ABRAXAS2: variants seen among roughly 807,000 people sequenced by gnomAD.
ABRAXAS2 encodes abraxas 2, BRISC complex subunit.
ABRAXAS2 carries 23 observed loss-of-function variants against 49.0 expected under a neutral mutation model. That is an observed-to-expected ratio of 0.47 (90% CI 0.34 to 0.66). ABRAXAS2 has a LOEUF of 0.66. ABRAXAS2 is among the 30% of genes least tolerant of loss of function. The pLI, the probability that ABRAXAS2 is intolerant of heterozygous loss-of-function variation, is 0.01. For synonymous variants in ABRAXAS2, 168 were observed against 180.2 expected, an observed-to-expected ratio of 0.93 and a Z score of 0.54; for missense variants, 443 against 511.9, an observed-to-expected ratio of 0.87 and a Z score of 1.30.
rs1564925948 is a variant in ABRAXAS2, at chr10:124,831,840, G to GTATTTTTTT, written c.778+378_778+379insATTTTTTTT. Among the ~76,000 whole-genome samples the GTATTTTTTT allele has an allele frequency of 5.6e-5, 6 of 106,208 alleles. 1 individual carries two copies. The highest frequency in any genetic ancestry group is 3.6e-5 in the Non-Finnish European group (2 of 54,864). The allele number at this position is 106,208 out of a possible 152,430, so 69.7% of individuals were successfully genotyped here. ...GTCCAGCAGGTAGGCACTGTGTCCT[G>GTATTTTTTT]TCTTTTTTTTTTTTTTTTTTTTTTT... On this transcript the variant is annotated intron_variant, in intron 8 of 8. Transcript: ENST00000298492.
chr10:124,810,412 A>G (rs1950779380), intron 2 of ABRAXAS2, among the ~76,000 whole-genome samples: 1 of 152,132 alleles, frequency 6.6e-6, no homozygotes, highest in South Asian at 2.1e-4. Flanking sequence ...CTGTAGTCCT[A>G]GCTACTCAGA....
chr10:124,805,897 T>C (rs1950739182), intron 1 of ABRAXAS2, among the ~76,000 whole-genome samples: 1 of 152,200 alleles, frequency 6.6e-6, no homozygotes, highest in South Asian at 2.1e-4. Flanking sequence ...CTCCCAGCTG[T>C]GCTTGTGCAG....
intron 8 of ABRAXAS2, among the ~76,000 whole-genome samples, chr10:124,832,421 T>C (rs1261185950): frequency 6.6e-6 from 1 of 152,202 alleles, no homozygotes; most frequent in Non-Finnish European, 1.5e-5. Context: ...ATGTCAAGTG[T>C]AAAAGATAAG....
intron 2 of ABRAXAS2, among the ~76,000 whole-genome samples, chr10:124,815,805 C>G (rs1213524776): frequency 6.6e-6 from 1 of 151,872 alleles, no homozygotes; most frequent in Non-Finnish European, 1.5e-5. Flanking sequence ...TTCAAAACAC[C>G]TGGCCCAAGT....
chr10:124,814,537 C>T (rs999401807), intron 2 of ABRAXAS2, among the ~76,000 whole-genome samples: 4 of 150,784 alleles, frequency 2.7e-5, no homozygotes, highest in South Asian at 2.1e-4. Context: ...TTTTTGTTTT[C>T]ACCATATTGG....
intron 3 of ABRAXAS2, among the ~76,000 whole-genome samples, chr10:124,817,610 G>A (rs573543764): frequency 1.4e-4 from 22 of 151,960 alleles, no homozygotes; most frequent in East Asian, 5.8e-4. Flanking sequence ...CTTCCGTAAC[G>A]CCAGCCAGCC....
chr10:124,804,849 G>A (rs1199380042), intron 1 of ABRAXAS2, among the ~76,000 whole-genome samples: 1 of 151,596 alleles, frequency 6.6e-6, no homozygotes, highest in Non-Finnish European at 1.5e-5. Flanking sequence ...TAGTAGCTGG[G>A]ATTACAGGTG....
rs1034251939 is a variant in ABRAXAS2 at position 124,807,994 on chromosome 10, A to G, written c.163+1073A>G. The stretch of plus-strand genomic sequence containing the variant: ...GGGATAAGCCAAATACCCACTTCGG[A>G]GGAGATATCTGGGGAAGATGAAGGA... On this transcript the variant is annotated intron_variant, in intron 2 of 8. Coordinates refer to ENST00000298492, the MANE Select transcript of ABRAXAS2 (RefSeq NM_032182.4). Among the ~76,000 whole-genome samples the G allele has an allele frequency of 5.9e-5, 9 of 152,322 alleles. No homozygotes were observed. In the South Asian group the frequency reaches 1.9e-3, roughly 32 times the overall value.
At position 124,828,740 on chromosome 10, in the gene ABRAXAS2, T is replaced by C. The variant is rs1364331335; in HGVS notation, c.459-16T>C. 6 of 1,610,822 alleles carry C rather than the reference T, an allele frequency of 3.7e-6. No individual in the cohort carries two copies. In the African/African-American group the frequency reaches 8.0e-5, roughly 22 times the overall value. Reference sequence around the variant, plus strand: ...AATGGTACATTTAACATGATCTCTCTGAATTTTTCCCATAGGTATAATCAG... The same window carrying C: ...AATGGTACATTTAACATGATCTCTCCGAATTTTTCCCATAGGTATAATCAG... On this transcript the variant is annotated splice_polypyrimidine_tract_variant and intron_variant, in intron 5 of 8. Transcript: ENST00000298492.
chr10:124,812,373 G>A (rs999037424), intron 2 of ABRAXAS2, among the ~76,000 whole-genome samples: 2 of 152,170 alleles, frequency 1.3e-5, no homozygotes, highest in African/African-American at 4.8e-5. Flanking sequence ...AAATATAGCT[G>A]GGTGAGGTGG....
chr10:124,816,260 C>T (rs1241325062), intron 2 of ABRAXAS2, among the ~76,000 whole-genome samples: 2 of 152,094 alleles, frequency 1.3e-5, no homozygotes, highest in African/African-American at 4.8e-5. Flanking sequence ...TGCTTTTTCC[C>T]ATGATGCTTT....
At chr10:124,818,444 G>T (rs1950839396) in intron 3 of ABRAXAS2, among the ~76,000 whole-genome samples, 1 of 148,060 alleles carries the variant, frequency 6.8e-6, no homozygotes. Context: ...AGAGCCAAAA[G>T]AAACCTTAGA....
In ABRAXAS2 at chr10:124,819,364, G is replaced by T; in HGVS notation, c.201-20G>T. 6.2e-7 allele frequency: 1 copy of T among 1,610,398 alleles called. No homozygotes were observed. Among genetic ancestry groups the T allele is most frequent in the Non-Finnish European group, 8.5e-7 (1 of 1,176,726 alleles). ...ACAATACTATGTGGTGTTAGTACAA[G>T]ATTTTTTTCTCTTAAACAGTTTTTA... On this transcript the variant is annotated intron_variant, in intron 3 of 8. Transcript: ENST00000298492.
At chr10:124,834,479 G>A (rs773936733) in intron 8 of ABRAXAS2, 23 bp from the exon 9 acceptor site, 33 of 1,589,630 alleles carry the variant, frequency 2.1e-5, no homozygotes, top group Non-Finnish European at 2.7e-5. Flanking sequence ...GAAAGTGTTA[G>A]AATATTCTTT....
chr10:124,825,272 C>G (rs1589808646), intron 4 of ABRAXAS2, among the ~76,000 whole-genome samples: 2 of 135,084 alleles, frequency 1.5e-5, no homozygotes, highest in East Asian at 4.4e-4. Context: ...GAGCCGAGAT[C>G]ATGCCACTGC....
intron 4 of ABRAXAS2, among the ~76,000 whole-genome samples, 192 bp downstream of exon 4, chr10:124,819,642 TA>T (rs1269204706): frequency 6.6e-6 from 1 of 152,136 alleles, no homozygotes; most frequent in Non-Finnish European, 1.5e-5. Context: ...CCATTATTAT[TA>T]CATGCCTGTA....
rs1382806900 is a variant in ABRAXAS2 at position 124,801,891 on chromosome 10, A to G, written c.62A>G (p.Asn21Ser). 1 of 1,612,678 alleles carries G rather than the reference A, an allele frequency of 6.2e-7. No homozygotes were observed. The highest frequency in any genetic ancestry group is 1.7e-5 in the Admixed American group (1 of 59,970). The change falls in exon 1 of 9, where the codon AAC becomes AGC. Residue 21 changes from asparagine (N) to serine (S), a missense_variant. Coordinates refer to ENST00000298492, the MANE Select transcript of ABRAXAS2 (RefSeq NM_032182.4). ...SAVCFHSANS[N>S]ADHEGFLLGE... ...GTGTGTTTCCACAGCGCCAACAGCA[A>G]CGCGGACCACGTAGGTGCCGGGCCC...
chr10:124,834,860 T>C lies in ABRAXAS2; in HGVS notation c.1137T>C (p.Asn379=), dbSNP rs538739029. 899 of 1,614,064 alleles carry C rather than the reference T, an allele frequency of 5.6e-4. 14 individuals carry two copies. In the South Asian group the frequency reaches 9.3e-3, roughly 17 times the overall value. The change falls in exon 9 of 9, where the codon AAT becomes AAC. Residue 379 remains asparagine (N), a synonymous_variant. Transcript: ENST00000298492. ...GEDSDDSDYE[N]LIDPTEPSNS... ...ATTCAGACGACAGTGATTATGAAAATTTGATTGACCCTACAGAGCCTTCTA... is the reference window on the plus strand; with the variant it reads ...ATTCAGACGACAGTGATTATGAAAACTTGATTGACCCTACAGAGCCTTCTA...
intron 2 of ABRAXAS2, among the ~76,000 whole-genome samples, chr10:124,807,398 A>G (rs1950752982): frequency 6.6e-6 from 1 of 151,866 alleles, no homozygotes; most frequent in Non-Finnish European, 1.5e-5. Flanking sequence ...CATGCCTGTA[A>G]TCCCAGCACT....
Sources: allele counts gnomAD v4.1 joint callset (sites outside exome capture counted in the v4.1 genomes callset), GRCh38; gene constraint gnomAD v4.1.1; transcripts MANE v1.5; gene names NCBI Gene and HGNC (gene_info 2026-07-23, HGNC 2026-07-21).